SGCD: variants seen among roughly 807,000 people sequenced by gnomAD.
SGCD encodes delta-sarcoglycan.
In SGCD, 18 loss-of-function variants were observed where a neutral mutation model predicts 36.6. The ratio of observed to expected loss-of-function variants is 0.49; its 90% CI spans 0.34 to 0.73. The LOEUF (loss-of-function observed/expected upper bound fraction) is 0.73. Among genes scored for constraint, SGCD ranks in the 30% least tolerant of loss-of-function variants. The probability of loss-of-function intolerance (pLI) is 0.01; values close to 1 mark genes in which losing one functional copy is unlikely to be tolerated. For synonymous variants in SGCD, 133 were observed against 130.6 expected (o/e 1.02, Z -0.12); for missense variants, 387 against 346.7 (o/e 1.12, Z -0.92).
At chr5:156,400,980 A>G (rs1301583429) in intron 3 of SGCD, among the ~76,000 whole-genome samples, 1 of 152,226 alleles carries the variant, frequency 6.6e-6, no homozygotes, top group Non-Finnish European at 1.5e-5. Flanking sequence ...TTTTATGCTT[A>G]TAAGAGTGTT....
At chr5:156,219,181 T>G (rs75749059) in intron 3 of SGCD, among the ~76,000 whole-genome samples, 1 of 152,214 alleles carries the variant, frequency 6.6e-6, no homozygotes, top group Non-Finnish European at 1.5e-5. Context: ...GCGAAACTCA[T>G]TGGACCCCTT....
intron 6 of SGCD, among the ~76,000 whole-genome samples, chr5:156,603,061 A>T (rs986044947): frequency 6.6e-6 from 1 of 152,090 alleles, no homozygotes; most frequent in African/African-American, 2.4e-5. Context: ...GCATGAAGCC[A>T]TTATGTCCTG....
upstream of SGCD, among the ~76,000 whole-genome samples, chr5:156,322,407 G>T (rs1230990092): frequency 6.6e-6 from 1 of 152,132 alleles, no homozygotes; most frequent in African/African-American, 2.4e-5. Flanking sequence ...TAGGCATGGT[G>T]TAAGGAGTAA....
intron 3 of SGCD, among the ~76,000 whole-genome samples, chr5:156,444,627 C>G (rs1016524739): frequency 9.2e-5 from 14 of 152,172 alleles, no homozygotes; most frequent in South Asian, 2.1e-4. Context: ...CTCCCTGCCA[C>G]CCAACAAAAT....
Position 156,665,296 on chromosome 5 carries a change from G to T in SGCD, c.575+17760G>T, listed in dbSNP as rs1055013803. 6.0e-5 allele frequency among the ~76,000 whole-genome samples: 9 copies of T among 151,162 alleles called. No homozygotes were observed. The East Asian group carries it at 1.4e-3, about 23-fold the overall frequency. On this transcript the variant is annotated intron_variant, in intron 7 of 8. Transcript: ENST00000337851. The stretch of plus-strand genomic sequence containing the variant: ...TGGACCTTTTCCTTCTAATTTTAAC[G>T]TTTCAGGATATATCACCTCCTGTAA...
chr5:155,793,295 A>G, the SGCD span, among the ~76,000 whole-genome samples: 1 of 152,152 alleles, frequency 6.6e-6, no homozygotes, highest in Admixed American at 6.6e-5. Flanking sequence ...GTTGGATACC[A>G]TGCTCACTAC....
intron 1 of SGCD, among the ~76,000 whole-genome samples, chr5:155,941,375 C>T (rs1215671479): frequency 6.6e-6 from 1 of 152,078 alleles, no homozygotes; most frequent in Non-Finnish European, 1.5e-5. Flanking sequence ...GCACATTTTC[C>T]TTGCAAGGTA....
the SGCD span, among the ~76,000 whole-genome samples, chr5:155,855,189 C>T: frequency 6.6e-6 from 1 of 152,246 alleles, no homozygotes; most frequent in South Asian, 2.1e-4. Context: ...CAGAGCAGGT[C>T]AGAAGTTCCA....
intron 1 of SGCD, among the ~76,000 whole-genome samples, chr5:156,014,034 G>C (rs555963900): frequency 6.6e-6 from 1 of 151,242 alleles, no homozygotes; most frequent in South Asian, 2.1e-4. Flanking sequence ...AATCCTTCTA[G>C]CATTTTGCTG....
intron 1 of SGCD, among the ~76,000 whole-genome samples, chr5:156,074,622 G>C (rs1303154767): frequency 1.3e-5 from 2 of 152,124 alleles, no homozygotes; most frequent in African/African-American, 2.4e-5. Flanking sequence ...AGAGGTTGCA[G>C]TGAGCCAAGA....
At chr5:156,082,297 G>C (rs896065290) in intron 1 of SGCD, among the ~76,000 whole-genome samples, 1 of 151,164 alleles carries the variant, frequency 6.6e-6, no homozygotes, top group African/African-American at 2.4e-5. Context: ...TGGGGGTAGT[G>C]GTGGGGAAGT....
chr5:156,558,375 A>G (rs1759127921), intron 4 of SGCD, among the ~76,000 whole-genome samples: 1 of 152,024 alleles, frequency 6.6e-6, no homozygotes, highest in Non-Finnish European at 1.5e-5. Flanking sequence ...CTAGGTATCC[A>G]ACATTTTATG....
intron 7 of SGCD, among the ~76,000 whole-genome samples, chr5:156,692,797 A>G (rs753990569): frequency 6.6e-6 from 1 of 152,238 alleles, no homozygotes; most frequent in African/African-American, 2.4e-5. Context: ...CTAAAAATTA[A>G]TGATTTGTTT....
At chr5:156,541,534 A>G (rs1758347401) in intron 4 of SGCD, among the ~76,000 whole-genome samples, 1 of 152,174 alleles carries the variant, frequency 6.6e-6, no homozygotes, top group Non-Finnish European at 1.5e-5. Context: ...AACCAAGGGA[A>G]GAATAAAGGA....
At chr5:156,421,092 A>G (rs1185277836) in intron 3 of SGCD, among the ~76,000 whole-genome samples, 2 of 152,098 alleles carry the variant, frequency 1.3e-5, no homozygotes, top group Admixed American at 6.6e-5. Context: ...AAATACATAA[A>G]TAATTAAGAA....
At chr5:156,448,744 T>G (rs1249923252) in intron 3 of SGCD, among the ~76,000 whole-genome samples, 2 of 134,284 alleles carry the variant, frequency 1.5e-5, no homozygotes, top group East Asian at 4.2e-4. Flanking sequence ...TTTTTTTTTT[T>G]TTTTTTTTTT....
chr5:156,578,267 T>A (rs1000056262), intron 4 of SGCD, among the ~76,000 whole-genome samples: 1 of 152,230 alleles, frequency 6.6e-6, no homozygotes, highest in Admixed American at 6.5e-5. Context: ...ATGAAGCCAC[T>A]TGATCATGGT....
At chr5:156,705,508 C>G (rs1754703800) in intron 7 of SGCD, among the ~76,000 whole-genome samples, 1 of 152,068 alleles carries the variant, frequency 6.6e-6, no homozygotes, top group African/African-American at 2.4e-5. Flanking sequence ...AATACTGGGT[C>G]CTTGTTATTA....
upstream of SGCD, among the ~76,000 whole-genome samples, chr5:155,866,479 C>T (rs1755527003): frequency 6.6e-6 from 1 of 152,174 alleles, no homozygotes; most frequent in African/African-American, 2.4e-5. Context: ...CCTCCCCATT[C>T]CTGCTCCATA....
Sources: gnomAD v4.1 joint callset for allele counts (sites outside exome capture counted in the v4.1 genomes callset) on GRCh38, gnomAD v4.1.1 for gene constraint, MANE v1.5 for transcripts, NCBI Gene and HGNC (gene_info 2026-07-23, HGNC 2026-07-21) for gene names.